ARHGAP12: variants seen among roughly 807,000 people sequenced by gnomAD.
ARHGAP12 encodes Rho GTPase activating protein 12, also known as rho GTPase-activating protein 12.
In ARHGAP12, 64 loss-of-function variants were observed where a neutral mutation model predicts 108.6. The observed-to-expected ratio is 0.59, with a 90% CI of 0.48 to 0.73. The LOEUF (loss-of-function observed/expected upper bound fraction) is 0.73. ARHGAP12 is among the 30% of genes least tolerant of loss of function. The probability of loss-of-function intolerance (pLI) is 0.00; values close to 1 mark genes in which losing one functional copy is unlikely to be tolerated. For missense variants in ARHGAP12, 940 were observed against 1,005.9 expected (o/e 0.93, Z 0.89); for synonymous variants, 312 against 337.2 (o/e 0.93, Z 0.82).
At chr10:31,893,071 T>C (rs1387769095) in intron 3 of ARHGAP12, among the ~76,000 whole-genome samples, 1 of 152,126 alleles carries the variant, frequency 6.6e-6, no homozygotes, top group Non-Finnish European at 1.5e-5. Flanking sequence ...AGACACAACA[T>C]ACCAGAATCT....
chr10:31,834,582 C>A (rs977331482), intron 9 of ARHGAP12, among the ~76,000 whole-genome samples: 2 of 152,186 alleles, frequency 1.3e-5, no homozygotes, highest in African/African-American at 4.8e-5. Context: ...GACTAAGACA[C>A]CCTTAATGCA....
intron 3 of ARHGAP12, among the ~76,000 whole-genome samples, chr10:31,868,934 T>A (rs1837436813): frequency 6.6e-6 from 1 of 152,138 alleles, no homozygotes; most frequent in South Asian, 2.1e-4. Flanking sequence ...TACATATTTT[T>A]AAGTACTCTA....
intron 3 of ARHGAP12, among the ~76,000 whole-genome samples, chr10:31,886,281 T>A (rs1380038450): frequency 6.6e-6 from 1 of 152,210 alleles, no homozygotes; most frequent in African/African-American, 2.4e-5. Context: ...CACATTTTTT[T>A]AATGACTCTA....
intron 1 of ARHGAP12, among the ~76,000 whole-genome samples, chr10:31,924,349 A>G (rs1839942143): frequency 6.6e-6 from 1 of 152,250 alleles, no homozygotes; most frequent in Non-Finnish European, 1.5e-5. Context: ...AAACAGTACA[A>G]ACCTCAAAAG....
intron 4 of ARHGAP12, among the ~76,000 whole-genome samples, chr10:31,854,421 G>A (rs1836812219): frequency 6.6e-6 from 1 of 152,154 alleles, no homozygotes; most frequent in African/African-American, 2.4e-5. Flanking sequence ...CATTAGTGCA[G>A]CCCTAGAAAA....
At position 31,807,845 on chromosome 10, in the gene ARHGAP12, AAAG is replaced by A. The variant is rs1834873985; in HGVS notation, c.2367-16_2367-14del. On this transcript the variant is annotated splice_polypyrimidine_tract_variant and intron_variant, in intron 19 of 19. Transcript: ENST00000344936. ...ATTTTCTATAACTCTGAAGGGAAAA[AAAG>A]AAGTTGTTAAAAGAGAAAATAAGAG... 6 of 1,497,270 alleles carry A rather than the reference AAAG, an allele frequency of 4.0e-6. No individual in the cohort carries two copies. The highest frequency in any genetic ancestry group is 4.8e-5 in the East Asian group (2 of 42,056). The allele number at this position is 1,497,270 out of a possible 1,614,324, so 92.7% of individuals were successfully genotyped here. A position where few individuals can be genotyped will look rare whatever the true frequency, so the allele number is the denominator to read the frequency against.
chr10:31,923,892 A>C (rs994047731), intron 1 of ARHGAP12, among the ~76,000 whole-genome samples: 2 of 152,068 alleles, frequency 1.3e-5, no homozygotes, highest in African/African-American at 4.8e-5. Flanking sequence ...ATATGTCAAA[A>C]CTCTTCAAAT....
At position 31,894,587 on chromosome 10, in the gene ARHGAP12, T is replaced by G. The variant is rs1352216859; in HGVS notation, c.684+13585A>C. Among the ~76,000 whole-genome samples the G allele has an allele frequency of 3.3e-5, 5 of 151,950 alleles. No homozygotes were observed. The South Asian group carries it at 1.0e-3, about 32-fold the overall frequency. On this transcript the variant is annotated intron_variant, in intron 3 of 19. Coordinates refer to ENST00000344936, the MANE Select transcript of ARHGAP12 (RefSeq NM_018287.7). ...AGGAGAACTACAAACCACTGCTCAGTGAAATAAAAGAGGATACAAACAAAT... is the reference window on the plus strand; with the variant it reads ...AGGAGAACTACAAACCACTGCTCAGGGAAATAAAAGAGGATACAAACAAAT...
chr10:31,827,397 A>G (rs1245837156), intron 10 of ARHGAP12, among the ~76,000 whole-genome samples: 1 of 152,214 alleles, frequency 6.6e-6, no homozygotes, highest in African/African-American at 2.4e-5. Flanking sequence ...AAATTACCCT[A>G]TATAAGGACA....
At chr10:31,913,690 A>T (rs1348172598) in intron 1 of ARHGAP12, 1 of 153,980 alleles carries the variant, frequency 6.5e-6, no homozygotes. Context: ...AAAAAGAAGA[A>T]AGATGAGGAA....
Position 31,854,049 on chromosome 10 carries a change from A to G in ARHGAP12, c.1089+17T>C, listed in dbSNP as rs776457066. 1.1e-5 allele frequency: 17 copies of G among 1,594,132 alleles called. No individual in the cohort carries two copies. Among genetic ancestry groups the G allele is most frequent in the African/African-American group, 1.4e-5 (1 of 73,884 alleles). ...GAATTCTGCCAAAAAACACTAGATG[A>G]GAAAAAAAGAATGTACCTTTTCATT... On this transcript the variant is annotated intron_variant, in intron 5 of 19. Coordinates refer to ENST00000344936, the MANE Select transcript of ARHGAP12 (RefSeq NM_018287.7).
intron 3 of ARHGAP12, among the ~76,000 whole-genome samples, chr10:31,903,549 C>A (rs1160590577): frequency 6.6e-6 from 1 of 152,138 alleles, no homozygotes; most frequent in Non-Finnish European, 1.5e-5. Context: ...AAAGTTAAAA[C>A]TAGTTCTTGG....
At chr10:31,817,973 A>G (rs1835270287) in intron 12 of ARHGAP12, 87 bp from the exon 13 acceptor site, 1 of 949,666 alleles carries the variant, frequency 1.1e-6, no homozygotes, top group Non-Finnish European at 1.6e-6. Flanking sequence ...AAAGTTAACA[A>G]AACCACCAAG....
At chr10:31,895,709 T>TA (rs1263201364) in intron 3 of ARHGAP12, among the ~76,000 whole-genome samples, 4 of 152,172 alleles carry the variant, frequency 2.6e-5, no homozygotes, top group Admixed American at 1.3e-4. Flanking sequence ...GAACTAGAAA[T>TA]ACCATTTGAC....
At chr10:31,918,354 CA>C (rs1839650788) in intron 1 of ARHGAP12, among the ~76,000 whole-genome samples, 2 of 139,980 alleles carry the variant, frequency 1.4e-5, no homozygotes, top group Non-Finnish European at 3.2e-5. Context: ...CACACACACA[CA>C]CACACCAATG....
chr10:31,923,187 C>A (rs1839894965), intron 1 of ARHGAP12, among the ~76,000 whole-genome samples: 1 of 143,900 alleles, frequency 6.9e-6, no homozygotes, highest in African/African-American at 2.6e-5. Context: ...GTCCAAAGAT[C>A]TATAGATGGT....
intron 1 of ARHGAP12, among the ~76,000 whole-genome samples, chr10:31,914,834 C>A (rs936255648): frequency 6.6e-6 from 1 of 152,152 alleles, no homozygotes; most frequent in Non-Finnish European, 1.5e-5. Flanking sequence ...GAGATATCTG[C>A]ACTCCCACAT....
At chr10:31,844,537 CTTGT>C (rs929419097) in intron 6 of ARHGAP12, among the ~76,000 whole-genome samples, 45 of 151,940 alleles carry the variant, frequency 3.0e-4, no homozygotes, top group African/African-American at 9.7e-4. Flanking sequence ...CAAACCAATG[CTTGT>C]TTGTTTGTTG....
chr10:31,825,253 A>G (rs546817906), intron 11 of ARHGAP12, among the ~76,000 whole-genome samples: 1 of 152,242 alleles, frequency 6.6e-6, no homozygotes, highest in Non-Finnish European at 1.5e-5. Context: ...GCTGCATTAT[A>G]AATGTGGATG....
Sources: allele counts gnomAD v4.1 joint callset (sites outside exome capture counted in the v4.1 genomes callset), GRCh38; gene constraint gnomAD v4.1.1; transcripts MANE v1.5; gene names NCBI Gene and HGNC (gene_info 2026-07-23, HGNC 2026-07-21).